MSL2: variants seen among roughly 807,000 people sequenced by gnomAD.
MSL2 encodes the protein MSL complex subunit 2, also known as E3 ubiquitin-protein ligase MSL2.
A neutral mutation model predicts 35.8 loss-of-function variants in MSL2; 2 were observed. The observed-to-expected ratio is 0.06, with a 90% CI of 0.02 to 0.18. MSL2 has a LOEUF of 0.18. Among genes scored for constraint, MSL2 ranks in the 10% least tolerant of loss-of-function variants. The pLI is 1.00. For synonymous variants in MSL2, 296 were observed against 255.7 expected, an observed-to-expected ratio of 1.16 and a Z score of -1.50; for missense variants, 523 against 706.7, an observed-to-expected ratio of 0.74 and a Z score of 2.95.
chr3:136,168,662 G>A (rs567696985), intron 1 of MSL2, among the ~76,000 whole-genome samples: 11 of 152,136 alleles, frequency 7.2e-5, no homozygotes, highest in South Asian at 4.2e-4. Flanking sequence ...CTCGATGACC[G>A]GTTGATGGGT....
In MSL2 at chr3:136,163,591, G is replaced by A. The variant is rs78198452; in HGVS notation, c.143-10853C>T. Among the ~76,000 whole-genome samples the A allele has an allele frequency of 7.9e-3, 1,205 of 152,178 alleles. 24 individuals are homozygous for A. The highest frequency in any genetic ancestry group is 0.026 in the African/African-American group (1,095 of 41,510). ...AGAGAAACTATCAAAATCAAGACTC[G>A]GGGCAAACCTGAAGAGGTTCCCACT... On this transcript the variant is annotated intron_variant, in intron 1 of 1. Transcript: ENST00000309993.
chr3:136,166,653 G>T (rs1939863015), intron 1 of MSL2, among the ~76,000 whole-genome samples: 1 of 152,128 alleles, frequency 6.6e-6, no homozygotes, highest in African/African-American at 2.4e-5. Flanking sequence ...GATTTACAGA[G>T]CAGTGTAAAT....
chr3:136,187,808 G>A lies in MSL2; in HGVS notation c.142+7164C>T, dbSNP rs16843739. Among the ~76,000 whole-genome samples the A allele has an allele frequency of 9.7e-3, 1,481 of 152,032 alleles. 15 individuals are homozygous for A. The highest frequency in any genetic ancestry group is 0.034 in the African/African-American group (1,421 of 41,454). On this transcript the variant is annotated intron_variant, in intron 1 of 1. Transcript: ENST00000309993. Reference sequence around the variant, plus strand: ...AAATCCTCTCATCCCAATCAAGATAGGCAGTTAAAATGCAGATTACAAGGG... The same window carrying A: ...AAATCCTCTCATCCCAATCAAGATAAGCAGTTAAAATGCAGATTACAAGGG...
chr3:136,155,263 G>C (rs1287554591), intron 1 of MSL2, among the ~76,000 whole-genome samples: 1 of 151,834 alleles, frequency 6.6e-6, no homozygotes, highest in Non-Finnish European at 1.5e-5. Context: ...CCAGCACCTT[G>C]GGAGGCCAAG....
At chr3:136,172,319 G>A (rs747074016) in intron 1 of MSL2, among the ~76,000 whole-genome samples, 33 of 151,372 alleles carry the variant, frequency 2.2e-4, no homozygotes, top group Non-Finnish European at 4.0e-4. Flanking sequence ...TCCCTCCTAC[G>A]TAAATCCTCC....
intron 1 of MSL2, among the ~76,000 whole-genome samples, chr3:136,190,098 A>G (rs910056370): frequency 2.6e-5 from 4 of 151,982 alleles, no homozygotes; most frequent in African/African-American, 9.7e-5. Context: ...AAAAATTACT[A>G]ATTTTTCTAT....
At chr3:136,194,689 G>A in intron 1 of MSL2, 1 of 356,322 alleles carries the variant, frequency 2.8e-6, no homozygotes, top group Non-Finnish European at 4.9e-6. Context: ...CCTTGTGCAT[G>A]CATCTTACCC....
intron 1 of MSL2, among the ~76,000 whole-genome samples, chr3:136,181,932 A>G (rs1940377640): frequency 3.5e-5 from 5 of 142,510 alleles, no homozygotes; most frequent in African/African-American, 1.2e-4. Context: ...AAATAAATAA[A>G]TAAATAAATA....
chr3:136,163,535 G>A (rs1042880546), intron 1 of MSL2, among the ~76,000 whole-genome samples: 5 of 152,188 alleles, frequency 3.3e-5, no homozygotes, highest in African/African-American at 4.8e-5. Context: ...TGCACAAGAG[G>A]AGTTTTGATC....
intron 1 of MSL2, among the ~76,000 whole-genome samples, chr3:136,194,236 T>C (rs1286731940): frequency 6.6e-6 from 1 of 152,194 alleles, no homozygotes; most frequent in Non-Finnish European, 1.5e-5. Flanking sequence ...TTTTGAGATA[T>C]TTTCCTTAGA....
chr3:136,153,117 G>A, intron 1 of MSL2: 3 of 926,390 alleles, frequency 3.2e-6, no homozygotes, highest in Non-Finnish European at 3.9e-6. Context: ...GTGTGTGCCT[G>A]TAATCCCAGC....
chr3:136,157,582 T>C (rs578124847), intron 1 of MSL2, among the ~76,000 whole-genome samples: 1 of 151,988 alleles, frequency 6.6e-6, no homozygotes, highest in Admixed American at 6.5e-5. Flanking sequence ...AAGAGAAAAA[T>C]AAATAACACC....
intron 1 of MSL2, among the ~76,000 whole-genome samples, chr3:136,171,520 T>G (rs1260487460): frequency 6.6e-6 from 1 of 152,218 alleles, no homozygotes; most frequent in Non-Finnish European, 1.5e-5. Flanking sequence ...TCTCACAGCC[T>G]CAGCAGCACA....
chr3:136,173,840 C>T (rs1940096495), intron 1 of MSL2, among the ~76,000 whole-genome samples: 1 of 152,160 alleles, frequency 6.6e-6, no homozygotes, highest in South Asian at 2.1e-4. Context: ...GTCTTCCACC[C>T]CAAATCTCAT....
At chr3:136,190,055 T>C (rs1005689384) in intron 1 of MSL2, among the ~76,000 whole-genome samples, 23 of 152,174 alleles carry the variant, frequency 1.5e-4, no homozygotes, top group African/African-American at 5.5e-4. Context: ...CACTCCAGCC[T>C]GGGCAACATA....
At chr3:136,154,557 T>C (rs1334144662) in intron 1 of MSL2, among the ~76,000 whole-genome samples, 2 of 149,166 alleles carry the variant, frequency 1.3e-5, no homozygotes, top group Non-Finnish European at 3.0e-5. Flanking sequence ...CAACAGAAAT[T>C]AGAAATCAGT....
intron 1 of MSL2, among the ~76,000 whole-genome samples, chr3:136,158,395 A>AT (rs988029049): frequency 5.9e-5 from 9 of 152,230 alleles, no homozygotes; most frequent in African/African-American, 2.2e-4. Flanking sequence ...ATTCAAGAGA[A>AT]TTCCACAACA....
intron 1 of MSL2, among the ~76,000 whole-genome samples, chr3:136,164,552 G>A (rs896213228): frequency 6.6e-6 from 1 of 152,210 alleles, no homozygotes; most frequent in African/African-American, 2.4e-5. Context: ...CTCCAATGAT[G>A]TGAGAAATAG....
intron 1 of MSL2, among the ~76,000 whole-genome samples, chr3:136,170,705 A>G (rs1459602695): frequency 6.6e-6 from 1 of 151,572 alleles, no homozygotes; most frequent in African/African-American, 2.4e-5. Context: ...GACATTCACT[A>G]TGTTGGCCAG....
Sources: allele counts gnomAD v4.1 joint callset (sites outside exome capture counted in the v4.1 genomes callset), GRCh38; gene constraint gnomAD v4.1.1; transcripts MANE v1.5; gene names NCBI Gene and HGNC (gene_info 2026-07-23, HGNC 2026-07-21).